DYRK1A: variants seen among roughly 807,000 people sequenced by gnomAD.
The protein encoded by DYRK1A is dual specificity tyrosine phosphorylation regulated kinase 1A, also known as dual specificity tyrosine-phosphorylation-regulated kinase 1A.
A neutral mutation model predicts 79.7 loss-of-function variants in DYRK1A; 9 were observed. That is an observed-to-expected ratio of 0.11 (90% CI 0.07 to 0.20). The LOEUF (loss-of-function observed/expected upper bound fraction) is 0.20, where lower values mean the gene tolerates loss of function less well. DYRK1A is among the 10% of genes least tolerant of loss of function. The pLI is 1.00. For missense variants in DYRK1A, 622 were observed against 956.0 expected (o/e 0.65, Z 4.61); for synonymous variants, 349 against 329.7 (o/e 1.06, Z -0.63).
chr21:37,391,395 G>T (rs182068722), intron 1 of DYRK1A, among the ~76,000 whole-genome samples: 3 of 152,254 alleles, frequency 2.0e-5, no homozygotes, highest in Non-Finnish European at 4.4e-5. Flanking sequence ...TCTATCCATT[G>T]TCTAAAAACT....
chr21:37,398,077 ATATAT>A (rs2049988653), intron 1 of DYRK1A, among the ~76,000 whole-genome samples: 1 of 28,512 alleles, frequency 3.5e-5, no homozygotes, highest in Non-Finnish European at 9.7e-5. Flanking sequence ...TAAAAAAAAA[ATATAT>A]ATATATATTT....
In DYRK1A at chr21:37,391,969, C is replaced by T. The variant is rs185222275; in HGVS notation, c.-77+24341C>T. On this transcript the variant is annotated intron_variant, in intron 1 of 11. Coordinates refer to ENST00000647188, the MANE Select transcript of DYRK1A (RefSeq NM_001347721.2). ...AAAGCCACCCAAGCTTGTTTGTTGC[C>T]TGTTATCATTTTCCAAATACTGTCA... Among the ~76,000 whole-genome samples the T allele has an allele frequency of 8.4e-4, 128 of 152,384 alleles. 1 individual carries two copies. The highest frequency in any genetic ancestry group is 2.7e-3 in the African/African-American group (113 of 41,586).
At chr21:37,387,598 G>C (rs1168089158) in intron 1 of DYRK1A, among the ~76,000 whole-genome samples, 1 of 152,102 alleles carries the variant, frequency 6.6e-6, no homozygotes, top group African/African-American at 2.4e-5. Context: ...CTTGCTCTCT[G>C]GACCTAATAG....
At chr21:37,496,318 T>C (rs543360214) in intron 9 of DYRK1A, 60 bp downstream of exon 9, 3 of 1,509,284 alleles carry the variant, frequency 2.0e-6, no homozygotes, top group East Asian at 4.6e-5. Context: ...TACCTGTCTT[T>C]TTATAGCTCA....
chr21:37,502,003 A>G (rs1243716692), intron 9 of DYRK1A: 3 of 152,050 alleles, frequency 2.0e-5, no homozygotes, highest in Non-Finnish European at 2.9e-5. Context: ...GTCTCTAGTC[A>G]TGTTTGTCTT....
At chr21:37,369,957 G>T (rs920185422) in intron 1 of DYRK1A, among the ~76,000 whole-genome samples, 2 of 152,158 alleles carry the variant, frequency 1.3e-5, no homozygotes, top group East Asian at 1.9e-4. Flanking sequence ...CCATATTAGT[G>T]TAATGTCTTG....
intron 1 of DYRK1A, among the ~76,000 whole-genome samples, chr21:37,368,492 C>G (rs1419398107): frequency 6.6e-6 from 1 of 152,112 alleles, no homozygotes; most frequent in Non-Finnish European, 1.5e-5. Flanking sequence ...TTCGCCCAAC[C>G]CTAGGTGACA....
At chr21:37,500,283 A>G (rs750066010) in intron 9 of DYRK1A, among the ~76,000 whole-genome samples, 16 of 152,132 alleles carry the variant, frequency 1.1e-4, no homozygotes, top group Admixed American at 2.0e-4. Context: ...AAAATGCATT[A>G]ATTTTTTGAA....
At chr21:37,450,300 T>A (rs1285424720) in intron 2 of DYRK1A, among the ~76,000 whole-genome samples, 1 of 152,196 alleles carries the variant, frequency 6.6e-6, no homozygotes, top group African/African-American at 2.4e-5. Context: ...GTGAAGAGTG[T>A]TCAGATACCA....
At chr21:37,421,129 A>C (rs866898756) in intron 2 of DYRK1A, among the ~76,000 whole-genome samples, 3 of 152,246 alleles carry the variant, frequency 2.0e-5, no homozygotes, top group South Asian at 2.1e-4. Context: ...GCATATTATA[A>C]GGCATTTTGT....
chr21:37,400,875 T>TACA (rs2050039754), intron 1 of DYRK1A, among the ~76,000 whole-genome samples: 1 of 152,216 alleles, frequency 6.6e-6, no homozygotes, highest in Admixed American at 6.5e-5. Context: ...CCAGGTGCAG[T>TACA]GGCTCACGCC....
intron 1 of DYRK1A, among the ~76,000 whole-genome samples, chr21:37,412,720 C>G (rs2050266757): frequency 6.6e-6 from 1 of 152,124 alleles, no homozygotes; most frequent in Admixed American, 6.6e-5. Flanking sequence ...TCAGCAGCTT[C>G]TAATGAAATT....
chr21:37,459,279 T>C (rs1459944165), intron 2 of DYRK1A, among the ~76,000 whole-genome samples: 1 of 152,218 alleles, frequency 6.6e-6, no homozygotes, highest in Admixed American at 6.5e-5. Flanking sequence ...TGGAATGACT[T>C]GAGCCATTTT....
intron 1 of DYRK1A, among the ~76,000 whole-genome samples, chr21:37,384,556 C>T (rs2049722507): frequency 6.6e-6 from 1 of 151,342 alleles, no homozygotes; most frequent in Non-Finnish European, 1.5e-5. Flanking sequence ...CCTGTTACTA[C>T]AGTGCCCAAC....
intron 1 of DYRK1A, chr21:37,368,207 G>A (rs1569270422): frequency 6.6e-6 from 1 of 152,198 alleles, no homozygotes; most frequent in Non-Finnish European, 1.5e-5. Context: ...CCGAAGTTGG[G>A]CGGGGAGCGC....
At position 37,379,444 on chromosome 21, in the gene DYRK1A, T is replaced by C. The variant is rs190854047; in HGVS notation, c.-77+11816T>C. ...AAAGAGTATTAAGCTTTGTTGGCAG[T>C]ATACTAAAAGGTTCTAGGAATGCAG... On this transcript the variant is annotated intron_variant, in intron 1 of 11. Coordinates refer to ENST00000647188, the MANE Select transcript of DYRK1A (RefSeq NM_001347721.2). Among the ~76,000 whole-genome samples, 157 of 152,324 alleles carry C rather than the reference T, an allele frequency of 1.0e-3. 2 individuals carry two copies. Among genetic ancestry groups the C allele is most frequent in the Non-Finnish European group, 1.0e-4 (7 of 68,026 alleles).
intron 1 of DYRK1A, among the ~76,000 whole-genome samples, chr21:37,379,849 G>A (rs969510927): frequency 2.0e-5 from 3 of 152,166 alleles, no homozygotes; most frequent in Non-Finnish European, 4.4e-5. Flanking sequence ...TGGAGTGATA[G>A]AACTATTTAT....
At chr21:37,365,879 C>CA (rs559845864), upstream of DYRK1A, 4 of 152,344 alleles carry the variant, frequency 2.6e-5, no homozygotes, top group South Asian at 8.3e-4. Flanking sequence ...GGCGAGCGTG[C>CA]ACTGCCTGAA....
intron 1 of DYRK1A, among the ~76,000 whole-genome samples, chr21:37,372,826 C>T (rs2148355692): frequency 6.6e-6 from 1 of 152,268 alleles, no homozygotes; most frequent in East Asian, 1.9e-4. Context: ...GAGAGGCCTT[C>T]CCCAAACCAG....
Sources: gnomAD v4.1 joint callset for allele counts (sites outside exome capture counted in the v4.1 genomes callset) on GRCh38, gnomAD v4.1.1 for gene constraint, MANE v1.5 for transcripts, NCBI Gene and HGNC (gene_info 2026-07-23, HGNC 2026-07-21) for gene names.